Variants in MTARC1 observed in about 807,000 individuals in gnomAD.
The protein encoded by MTARC1 is mitochondrial amidoxime reducing component 1.
MTARC1 carries 24 observed loss-of-function variants against 33.6 expected under a neutral mutation model. The observed-to-expected ratio is 0.72, with a 90% CI of 0.52 to 1.01. The LOEUF (loss-of-function observed/expected upper bound fraction) is 1.01. Among genes scored for constraint, MTARC1 ranks in the 50% least tolerant of loss-of-function variants. MTARC1 has a pLI of 0.00. For synonymous variants in MTARC1, 187 were observed against 189.5 expected, an observed-to-expected ratio of 0.99 and a Z score of 0.11; for missense variants, 417 against 445.7, an observed-to-expected ratio of 0.94 and a Z score of 0.58.
chr1:220,795,054 T>C (rs1464224546), intron 2 of MTARC1, among the ~76,000 whole-genome samples: 4 of 152,182 alleles, frequency 2.6e-5, no homozygotes, highest in African/African-American at 7.2e-5. Context: ...ACTCAATATA[T>C]TTTACAATAT....
chr1:220,798,543 G>A (rs959388232), intron 4 of MTARC1: 1 of 985,322 alleles, frequency 1.0e-6, no homozygotes, highest in African/African-American at 1.7e-5. Flanking sequence ...AGCTTGAACA[G>A]CCCTGAGGCT....
At chr1:220,791,923 G>A (rs1328531801) in intron 2 of MTARC1, among the ~76,000 whole-genome samples, 1 of 152,086 alleles carries the variant, frequency 6.6e-6, no homozygotes, top group East Asian at 1.9e-4. Context: ...AAAGCATATT[G>A]ACATGTCAGC....
intron 6 of MTARC1, among the ~76,000 whole-genome samples, chr1:220,812,430 T>C (rs537197638): frequency 3.3e-5 from 5 of 152,120 alleles, no homozygotes; most frequent in Non-Finnish European, 5.9e-5. Flanking sequence ...AGGTAGAGAA[T>C]GAGGAAAAGA....
At chr1:220,812,633 A>G (rs1364228347) in intron 6 of MTARC1, among the ~76,000 whole-genome samples, 3 of 152,190 alleles carry the variant, frequency 2.0e-5, no homozygotes, top group Non-Finnish European at 4.4e-5. Flanking sequence ...GACGGCTAGG[A>G]TGGTGGTTCA....
At chr1:220,800,866 T>C (rs1407696639) in intron 4 of MTARC1, among the ~76,000 whole-genome samples, 4 of 148,196 alleles carry the variant, frequency 2.7e-5, no homozygotes, top group African/African-American at 5.1e-5. Flanking sequence ...CCTAGGTTCC[T>C]ACAGTTGACA....
At chr1:220,805,151 G>C in intron 5 of MTARC1, 38 bp downstream of exon 5, 1 of 1,614,050 alleles carries the variant, frequency 6.2e-7, no homozygotes, top group Non-Finnish European at 8.5e-7. Context: ...TGGAGGTGGG[G>C]ATAAGTTCGC....
chr1:220,791,096 T>C lies in MTARC1; in HGVS notation c.276-395T>C, dbSNP rs555027895. The C allele has an allele frequency of 3.4e-4, 58 of 170,570 alleles. No homozygotes were observed. The East Asian group carries it at 8.8e-3, about 26-fold the overall frequency. The allele number at this position is 170,570 out of a possible 1,614,324, so 10.6% of individuals were successfully genotyped here. A position where few individuals can be genotyped will look rare whatever the true frequency, so the allele number is the denominator to read the frequency against. ...TGACAAGAGCCCGTTGCCTACCAGA[T>C]GCCAGGCCCTGTGCTTCCTCCTGCC... On this transcript the variant is annotated intron_variant, in intron 1 of 6. Transcript: ENST00000366910.
intron 2 of MTARC1, chr1:220,794,425 A>ACG (rs1277263131): frequency 6.6e-6 from 1 of 151,910 alleles, no homozygotes; most frequent in Non-Finnish European, 1.5e-5. Context: ...ACACACACAC[A>ACG]CAGATGCTAA....
chr1:220,792,891 C>T (rs1056355906), intron 2 of MTARC1, among the ~76,000 whole-genome samples: 2 of 152,038 alleles, frequency 1.3e-5, no homozygotes, highest in Admixed American at 1.3e-4. Flanking sequence ...TCCTCTAATG[C>T]ATTTTAATAT....
At chr1:220,807,920 A>T (rs1673017935) in intron 6 of MTARC1, among the ~76,000 whole-genome samples, 1 of 152,078 alleles carries the variant, frequency 6.6e-6, no homozygotes, top group African/African-American at 2.4e-5. Flanking sequence ...GGAGACCTGG[A>T]TGTGCAGCAC....
intron 6 of MTARC1, 89 bp downstream of exon 6, chr1:220,805,363 G>A (rs1258621004): frequency 1.5e-6 from 2 of 1,370,014 alleles, no homozygotes. Context: ...AGAGGAAGCA[G>A]TGAAAACACC....
chr1:220,805,172 C>A, intron 5 of MTARC1, 31 bp from the exon 6 acceptor site: 1 of 1,614,010 alleles, frequency 6.2e-7, no homozygotes, highest in Non-Finnish European at 8.5e-7. Flanking sequence ...TCTGCTCTGT[C>A]CCCCTTATGA....
rs180949931 is a variant in MTARC1, at chr1:220,815,044, T to C, written c.*1626T>C. On this transcript the variant is annotated 3_prime_UTR_variant, in exon 7 of 7. Coordinates refer to ENST00000366910, the MANE Select transcript of MTARC1 (RefSeq NM_022746.4). ...ATGGTTGGTGAATTATTACAGTTTGTTTTCTGCATGCTTGGCATGAGGTGA... is the reference window on the plus strand; with the variant it reads ...ATGGTTGGTGAATTATTACAGTTTGCTTTCTGCATGCTTGGCATGAGGTGA... 6.6e-6 allele frequency: 1 copy of C among 152,376 alleles called. No homozygotes were observed. The highest frequency in any genetic ancestry group is 6.5e-5 in the Admixed American group (1 of 15,298). The allele number at this position is 152,376 out of a possible 1,614,324, so 9.4% of individuals were successfully genotyped here.
chr1:220,811,369 G>C (rs1673129726), intron 6 of MTARC1, among the ~76,000 whole-genome samples: 1 of 152,224 alleles, frequency 6.6e-6, no homozygotes, highest in Non-Finnish European at 1.5e-5. Flanking sequence ...CATTATTTTT[G>C]AGTGGTTACA....
At chr1:220,804,050 T>C (rs1571676946) in intron 4 of MTARC1, among the ~76,000 whole-genome samples, 1 of 152,176 alleles carries the variant, frequency 6.6e-6, no homozygotes, top group Admixed American at 6.5e-5. Flanking sequence ...GGTCTTTGCC[T>C]TCCGCCCTCG....
intron 6 of MTARC1, among the ~76,000 whole-genome samples, chr1:220,812,481 A>C (rs1214462434): frequency 6.6e-6 from 1 of 152,224 alleles, no homozygotes; most frequent in Non-Finnish European, 1.5e-5. Context: ...AGCATGCTGG[A>C]AGCAAGATCG....
intron 1 of MTARC1, 83 bp from the exon 2 acceptor site, chr1:220,791,408 C>T: frequency 6.8e-7 from 1 of 1,462,108 alleles, no homozygotes; most frequent in South Asian, 1.3e-5. Context: ...TCAAAGATGA[C>T]AACAGTGTCT....
intron 6 of MTARC1, among the ~76,000 whole-genome samples, chr1:220,806,606 AC>A (rs1672980061): frequency 6.6e-6 from 1 of 152,124 alleles, no homozygotes; most frequent in South Asian, 2.1e-4. Context: ...TCTTTGATCA[AC>A]AACCAATCCC....
intron 6 of MTARC1, among the ~76,000 whole-genome samples, chr1:220,810,677 G>T (rs1402001164): frequency 1.3e-5 from 2 of 150,580 alleles, no homozygotes; most frequent in Non-Finnish European, 2.9e-5. Flanking sequence ...GTCTGTGCTT[G>T]GTTGGCAGGA....
Sources: allele counts gnomAD v4.1 joint callset (sites outside exome capture counted in the v4.1 genomes callset), GRCh38; gene constraint gnomAD v4.1.1; transcripts MANE v1.5; gene names NCBI Gene and HGNC (gene_info 2026-07-23, HGNC 2026-07-21).